SEC23A: variants seen among roughly 807,000 people sequenced by gnomAD.
SEC23A encodes SEC23 homolog A, COPII component.
Under a neutral mutation model 103.7 loss-of-function variants are expected in SEC23A, and 56 were observed. That is an observed-to-expected ratio of 0.54 (90% confidence interval 0.44 to 0.67). The LOEUF is 0.67. Ranked by LOEUF, SEC23A falls within the 30% of genes least tolerant of loss-of-function variation. The pLI is 0.00. For synonymous variants in SEC23A, 281 were observed against 293.0 expected (o/e 0.96, Z 0.42); for missense variants, 784 against 936.4 (o/e 0.84, Z 2.12).
intron 2 of SEC23A, chr14:39,095,011 C>G (rs1887836353): frequency 5.7e-6 from 4 of 700,008 alleles, no homozygotes; most frequent in Admixed American, 2.0e-5. Context: ...GGGTAGAGAA[C>G]AGACTGCTGA....
Position 39,048,735 on chromosome 14 carries a change from T to C in SEC23A, c.1660-6A>G. On this transcript the variant is annotated splice_polypyrimidine_tract_variant and splice_region_variant and intron_variant, in intron 14 of 19. Transcript: ENST00000307712. ...TATTCTCCAAATTTCTGACACTAAA[T>C]AAAATAAAATGTGTTAGTAATTTAT... 3 of 1,404,116 alleles carry C rather than the reference T, an allele frequency of 2.1e-6. No homozygotes were observed. Among genetic ancestry groups the C allele is most frequent in the South Asian group, 2.3e-5 (2 of 86,942 alleles). The allele number at this position is 1,404,116 out of a possible 1,614,324, so 87.0% of individuals were successfully genotyped here.
intron 5 of SEC23A, among the ~76,000 whole-genome samples, 157 bp from the exon 6 acceptor site, chr14:39,087,165 A>T (rs1887473562): frequency 6.6e-6 from 1 of 152,244 alleles, no homozygotes; most frequent in Non-Finnish European, 1.5e-5. Context: ...AGTGGGAGAG[A>T]TTATCAAGAA....
At chr14:39,036,181 G>A (rs1279396501) in intron 19 of SEC23A, among the ~76,000 whole-genome samples, 2 of 151,800 alleles carry the variant, frequency 1.3e-5, no homozygotes, top group African/African-American at 4.8e-5. Flanking sequence ...AATTAGCTGA[G>A]TATGGTGGTG....
chr14:39,100,821 T>C (rs1426806789), intron 1 of SEC23A, among the ~76,000 whole-genome samples: 3 of 152,246 alleles, frequency 2.0e-5, no homozygotes, highest in Non-Finnish European at 4.4e-5. Flanking sequence ...CCACACACTA[T>C]ATTAGAATGC....
At chr14:39,058,864 C>G (rs1442594421) in intron 13 of SEC23A, among the ~76,000 whole-genome samples, 1 of 152,042 alleles carries the variant, frequency 6.6e-6, no homozygotes, top group African/African-American at 2.4e-5. Flanking sequence ...GAATTTAAAA[C>G]AACACTGTTT....
At position 39,091,516 on chromosome 14, in the gene SEC23A, G is replaced by A; in HGVS notation, c.564C>T (p.Val188=). The A allele has an allele frequency of 6.2e-7, 1 of 1,613,922 alleles. No individual in the cohort carries two copies. The highest frequency in any genetic ancestry group is 8.5e-7 in the Non-Finnish European group (1 of 1,179,936). Residue 188 remains valine, a synonymous_variant, in exon 5 of 20, where the codon GTC becomes GTT. Coordinates refer to ENST00000307712, the MANE Select transcript of SEC23A (RefSeq NM_006364.4). ...LGCEGISKSY[V]FRGTKDLSAK... is the part of the protein sequence containing the mutation. ...CAGACAAATCTTTTGTTCCTCTGAA[G>A]ACATAGCTTTTTGAAATGCCTTCAC...
At chr14:39,077,718 C>T (rs979168039) in intron 7 of SEC23A, among the ~76,000 whole-genome samples, 3 of 151,948 alleles carry the variant, frequency 2.0e-5, no homozygotes, top group African/African-American at 7.3e-5. Context: ...TCACTTGAGG[C>T]CAGGAGTTCG....
chr14:39,092,925 G>A (rs1306979006), intron 3 of SEC23A: 1 of 482,074 alleles, frequency 2.1e-6, no homozygotes, highest in Non-Finnish European at 3.7e-6. Context: ...GTAGAGTGGT[G>A]CAATCTCGGC....
At chr14:39,080,833 T>A (rs1887202018) in intron 7 of SEC23A, among the ~76,000 whole-genome samples, 1 of 151,918 alleles carries the variant, frequency 6.6e-6, no homozygotes, top group East Asian at 1.9e-4. Flanking sequence ...GCCTACCACA[T>A]ACTAGAGAAA....
intron 7 of SEC23A, among the ~76,000 whole-genome samples, chr14:39,080,771 T>C (rs1887200083): frequency 1.3e-5 from 2 of 151,998 alleles, no homozygotes; most frequent in Admixed American, 1.3e-4. Flanking sequence ...GACAACTTTA[T>C]AGGAAAAAAT....
In SEC23A at chr14:39,063,378, T is replaced by C. The variant is rs1886545219; in HGVS notation, c.1344A>G (p.Ile448Met). The C allele has an allele frequency of 1.2e-6, 2 of 1,612,434 alleles. No homozygotes were observed. Among genetic ancestry groups the C allele is most frequent in the Admixed American group, 1.7e-5 (1 of 60,016 alleles). Residue 448 changes from isoleucine (I) to methionine (M), a missense_variant, in exon 12 of 20, where the codon ATA becomes ATG. This residue lies in a region of SEC23A where 683 missense variants were observed against 774.2 expected (regional missense o/e 0.88). Coordinates refer to ENST00000307712, the MANE Select transcript of SEC23A (RefSeq NM_006364.4). ...IGTGGTCQWK[I>M]CGLSPTTTLA... Reference sequence around the variant, plus strand: ...AGGTTGTAGTGGGACTAAGTCCACATATCTTCCACTGACATGTGCCACCTG... The same window carrying C: ...AGGTTGTAGTGGGACTAAGTCCACACATCTTCCACTGACATGTGCCACCTG...
At chr14:39,084,862 G>A (rs759107490) in intron 7 of SEC23A, among the ~76,000 whole-genome samples, 2 of 152,056 alleles carry the variant, frequency 1.3e-5, no homozygotes, top group Non-Finnish European at 2.9e-5. Context: ...GCAGAGATGG[G>A]GTTTTGCCAT....
intron 1 of SEC23A, among the ~76,000 whole-genome samples, chr14:39,100,588 T>C (rs10141243): frequency 0.17 from 26,145 of 151,648 alleles, 2,900 homozygotes; most frequent in Middle Eastern, 0.23. Context: ...AATTTTTGTA[T>C]TTTTAGTAGA....
intron 15 of SEC23A, among the ~76,000 whole-genome samples, chr14:39,046,365 C>T (rs1406676419): frequency 1.3e-5 from 2 of 152,002 alleles, no homozygotes; most frequent in East Asian, 1.9e-4. Flanking sequence ...CTCAGCTACT[C>T]GGGAGGCAGA....
intron 13 of SEC23A, among the ~76,000 whole-genome samples, chr14:39,057,176 T>G (rs529527441): frequency 4.6e-5 from 7 of 152,180 alleles, no homozygotes; most frequent in Non-Finnish European, 1.0e-4. Flanking sequence ...TAGCCAGGCA[T>G]GGTGGCACAT....
At chr14:39,086,844 G>T in intron 6 of SEC23A, 85 bp downstream of exon 6, 2 of 789,748 alleles carry the variant, frequency 2.5e-6, no homozygotes, top group South Asian at 2.8e-5. Flanking sequence ...TAACAATATA[G>T]TATCACTGAA....
intron 19 of SEC23A, among the ~76,000 whole-genome samples, chr14:39,036,698 C>T (rs1885474546): frequency 6.6e-6 from 1 of 152,168 alleles, no homozygotes; most frequent in Non-Finnish European, 1.5e-5. Context: ...TCTTAAATAT[C>T]TGTTCTTTTG....
At chr14:39,094,504 C>T (rs1887820585) in intron 2 of SEC23A, among the ~76,000 whole-genome samples, 1 of 144,052 alleles carries the variant, frequency 6.9e-6, no homozygotes, top group Admixed American at 7.3e-5. Context: ...CCCAGGCAAT[C>T]CTCCCACCTT....
At chr14:39,098,242 C>T (rs1289209082) in intron 1 of SEC23A, among the ~76,000 whole-genome samples, 1 of 151,960 alleles carries the variant, frequency 6.6e-6, no homozygotes, top group African/African-American at 2.4e-5. Context: ...TCCACCGTAA[C>T]ATAGGTGGCA....
Sources: gnomAD v4.1 joint callset for allele counts (sites outside exome capture counted in the v4.1 genomes callset) on GRCh38, gnomAD v4.1.1 for gene constraint, gnomAD v4.1.1 regional missense constraint, MANE v1.5 for transcripts, NCBI Gene and HGNC (gene_info 2026-07-23, HGNC 2026-07-21) for gene names.